SEMA3D: variants seen among roughly 807,000 people sequenced by gnomAD.
SEMA3D encodes semaphorin-3D.
In SEMA3D, 84 loss-of-function variants were observed where a neutral mutation model predicts 100.1. That is an observed-to-expected ratio of 0.84 (90% CI 0.70 to 1.01). The LOEUF (loss-of-function observed/expected upper bound fraction) is 1.01, where lower values mean the gene tolerates loss of function less well. Among genes scored for constraint, SEMA3D ranks in the 50% least tolerant of loss-of-function variants. SEMA3D has a pLI of 0.00. For missense variants in SEMA3D, 875 were observed against 934.1 expected (o/e 0.94, Z 0.82); for synonymous variants, 312 against 320.7 (o/e 0.97, Z 0.29).
At chr7:85,168,931 G>A (rs893644384) in intron 1 of SEMA3D, among the ~76,000 whole-genome samples, 2 of 151,342 alleles carry the variant, frequency 1.3e-5, no homozygotes, top group Admixed American at 6.6e-5. Flanking sequence ...TTGGGGCAGG[G>A]GAAGGAATTC....
At chr7:85,223,328 C>T in the SEMA3D span, among the ~76,000 whole-genome samples, 1 of 151,830 alleles carries the variant, frequency 6.6e-6, no homozygotes, top group Non-Finnish European at 1.5e-5. Context: ...ACTTTTGCAC[C>T]AACCTCATAA....
chr7:85,060,846 T>A (rs1791458920), intron 8 of SEMA3D, among the ~76,000 whole-genome samples: 1 of 152,188 alleles, frequency 6.6e-6, no homozygotes, highest in African/African-American at 2.4e-5. Flanking sequence ...AAACTTCAAA[T>A]GAAAACTGTC....
intron 1 of SEMA3D, chr7:85,157,684 A>C (rs1790637100): frequency 3.1e-6 from 3 of 979,440 alleles, no homozygotes; most frequent in Middle Eastern, 1.0e-3. Context: ...GCAAAACAAA[A>C]CAAGCCAACA....
intron 5 of SEMA3D, 40 bp from the exon 6 acceptor site, chr7:85,073,121 A>G (rs1470779203): frequency 1.3e-6 from 2 of 1,593,672 alleles, no homozygotes; most frequent in African/African-American, 2.7e-5. Flanking sequence ...CACACAATTC[A>G]GGTTTTTGAA....
intron 14 of SEMA3D, 44 bp from the exon 15 acceptor site, chr7:85,018,337 GT>G: frequency 8.0e-7 from 1 of 1,243,170 alleles, no homozygotes; most frequent in Non-Finnish European, 1.2e-6. Flanking sequence ...TCATTAACAG[GT>G]TTTTATATTA....
chr7:85,088,579 A>T (rs1788290544), intron 4 of SEMA3D, among the ~76,000 whole-genome samples: 2 of 152,204 alleles, frequency 1.3e-5, no homozygotes, highest in African/African-American at 4.8e-5. Flanking sequence ...AACAACTAAA[A>T]GAGCAATGGT....
At chr7:85,048,075 C>T (rs1470632719) in intron 9 of SEMA3D, among the ~76,000 whole-genome samples, 2 of 151,722 alleles carry the variant, frequency 1.3e-5, no homozygotes, top group African/African-American at 4.8e-5. Context: ...TTCCATTACC[C>T]AAACTAACAC....
At chr7:85,027,719 T>G in intron 12 of SEMA3D, 5 of 315,146 alleles carry the variant, frequency 1.6e-5, no homozygotes, top group Non-Finnish European at 3.1e-5. Context: ...AATGTTTGTT[T>G]TCCCAACATA....
intron 9 of SEMA3D, among the ~76,000 whole-genome samples, chr7:85,048,895 CACTT>C (rs1791081537): frequency 6.6e-6 from 1 of 151,758 alleles, no homozygotes; most frequent in South Asian, 2.1e-4. Flanking sequence ...AATATCTCTT[CACTT>C]ACTTTCTTTG....
chr7:85,232,576 T>C, the SEMA3D span, among the ~76,000 whole-genome samples: 3 of 152,208 alleles, frequency 2.0e-5, no homozygotes, highest in Non-Finnish European at 4.4e-5. Flanking sequence ...CTAAGTTTTA[T>C]TGCGGACAAA....
In SEMA3D at chr7:84,997,762, A is replaced by G. The variant is rs2115681849; in HGVS notation, c.*1678T>C. On this transcript the variant is annotated 3_prime_UTR_variant, in exon 19 of 19. Coordinates refer to ENST00000284136, the MANE Select transcript of SEMA3D (RefSeq NM_001384900.1). ...GCATGAGAAACGAGCAATGTCTGTT[A>G]TTTTCTGAAAAGCTGCCTTCCATGT... 1 of 152,570 alleles carries G rather than the reference A, an allele frequency of 6.6e-6. No individual in the cohort carries two copies. The highest frequency in any genetic ancestry group is 3.4e-3 in the Middle Eastern group (1 of 294). The allele number at this position is 152,570 out of a possible 1,614,324, so 9.5% of individuals were successfully genotyped here.
chr7:85,191,636 C>T (rs555446260), upstream of SEMA3D, among the ~76,000 whole-genome samples: 1 of 152,192 alleles, frequency 6.6e-6, no homozygotes, highest in Admixed American at 6.5e-5. Flanking sequence ...TTTCCTGAAA[C>T]CCAGACATAC....
At chr7:85,215,939 T>C in the SEMA3D span, among the ~76,000 whole-genome samples, 1 of 152,104 alleles carries the variant, frequency 6.6e-6, no homozygotes, top group African/African-American at 2.4e-5. Flanking sequence ...TTAAAACAAT[T>C]GGCCTATTTT....
intron 2 of SEMA3D, 119 bp from the exon 3 acceptor site, chr7:85,122,050 A>T (rs1789434539): frequency 1.8e-6 from 1 of 564,510 alleles, no homozygotes; most frequent in African/African-American, 1.9e-5. Context: ...GAACACATGG[A>T]CACAGGGAGG....
chr7:85,156,474 C>T (rs185453541), intron 1 of SEMA3D, among the ~76,000 whole-genome samples: 1 of 152,050 alleles, frequency 6.6e-6, no homozygotes, highest in Admixed American at 6.6e-5. Context: ...TTGATTCTTC[C>T]AACTTAAAGG....
At chr7:85,099,340 C>T (rs1011080971) in intron 3 of SEMA3D, among the ~76,000 whole-genome samples, 1 of 151,714 alleles carries the variant, frequency 6.6e-6, no homozygotes, top group African/African-American at 2.4e-5. Flanking sequence ...AAGGGGAAAC[C>T]CCTTTCACTT....
Position 85,043,031 on chromosome 7 carries a change from A to G in SEMA3D, c.862-746T>C, listed in dbSNP as rs557335226. Reference sequence around the variant, plus strand: ...AAGTCTTTTCCAAATTTAATGTCTTACTAATTAAACATCCATGCAACATAA... The same window carrying G: ...AAGTCTTTTCCAAATTTAATGTCTTGCTAATTAAACATCCATGCAACATAA... On this transcript the variant is annotated intron_variant, in intron 9 of 18. Coordinates refer to ENST00000284136, the MANE Select transcript of SEMA3D (RefSeq NM_001384900.1). Among the ~76,000 whole-genome samples, 3 of 152,298 alleles carry G rather than the reference A, an allele frequency of 2.0e-5. No individual in the cohort carries two copies. In the South Asian group the frequency reaches 6.2e-4, roughly 32 times the overall value.
At position 85,006,916 on chromosome 7, in the gene SEMA3D, T is replaced by A. The variant is rs368553678; in HGVS notation, c.1794A>T (p.Glu598Asp). ...EDSISHETAD[E>D]KVIFGIEFNS... is the part of the protein sequence containing the mutation. Reference sequence around the variant, plus strand: ...TAAATTCAATGCCAAAAATCACCTTTTCATCAGCAGTTTCATGACTAATGC... The same window carrying A: ...TAAATTCAATGCCAAAAATCACCTTATCATCAGCAGTTTCATGACTAATGC... Residue 598 changes from glutamate (E) to aspartate (D), a missense_variant, in exon 18 of 19, where the codon GAA becomes GAT. Glu to Asp is a conservative substitution (Grantham distance 45, BLOSUM62 2). Transcript: ENST00000284136. 1.2e-6 allele frequency: 2 copies of A among 1,610,424 alleles called. No homozygotes were observed. Among genetic ancestry groups the A allele is most frequent in the Non-Finnish European group, 1.7e-6 (2 of 1,177,800 alleles).
At chr7:85,096,455 G>A (rs1346297740) in intron 4 of SEMA3D, among the ~76,000 whole-genome samples, 2 of 151,822 alleles carry the variant, frequency 1.3e-5, no homozygotes, top group African/African-American at 2.4e-5. Context: ...GGTTTTTAGT[G>A]TGTTTGGATT....
Sources: gnomAD v4.1 joint callset for allele counts (sites outside exome capture counted in the v4.1 genomes callset) on GRCh38, gnomAD v4.1.1 for gene constraint, MANE v1.5 for transcripts, NCBI Gene and HGNC (gene_info 2026-07-23, HGNC 2026-07-21) for gene names.